SEL1L3: variants seen among roughly 807,000 people sequenced by gnomAD.
SEL1L3 encodes protein sel-1 homolog 3.
In SEL1L3, 76 loss-of-function variants were observed where a neutral mutation model predicts 142.8. The ratio of observed to expected loss-of-function variants is 0.53; its 90% CI spans 0.44 to 0.64. SEL1L3 has a LOEUF of 0.64. Ranked by LOEUF, SEL1L3 falls within the 30% of genes least tolerant of loss-of-function variation. SEL1L3 has a pLI of 0.00. For missense variants in SEL1L3, 1,262 were observed against 1,381.7 expected, an observed-to-expected ratio of 0.91 and a Z score of 1.37; for synonymous variants, 504 against 519.6, an observed-to-expected ratio of 0.97 and a Z score of 0.41.
intron 19 of SEL1L3, among the ~76,000 whole-genome samples, chr4:25,767,090 G>C (rs1718795261): frequency 6.6e-6 from 1 of 152,132 alleles, no homozygotes; most frequent in Non-Finnish European, 1.5e-5. Flanking sequence ...TCAGGAGTTT[G>C]AGACCAGCCT....
chr4:25,729,250 CAG>C, the SEL1L3 span, among the ~76,000 whole-genome samples: 362 of 152,294 alleles, frequency 2.4e-3, 2 homozygotes, highest in African/African-American at 8.3e-3. Context: ...AAGCTGTGCA[CAG>C]AGTGTCTTTG....
Position 25,788,168 on chromosome 4 carries a change from T to C in SEL1L3, c.2217+56A>G. 6.3e-7 allele frequency: 1 copy of C among 1,581,202 alleles called. No individual in the cohort carries two copies. Among genetic ancestry groups the C allele is most frequent in the Non-Finnish European group, 8.6e-7 (1 of 1,159,962 alleles). The stretch of plus-strand genomic sequence containing the variant: ...GTTTGCCAGCCCGCCCACAGGAAAC[T>C]GCTCAGGAGTCTGATAAGAATTGCA... On this transcript the variant is annotated intron_variant, in intron 13 of 23. Transcript: ENST00000399878. This position sits in a 1 kb window ranked among gnomAD's most constrained non-coding sequence, Gnocchi z 5.3.
rs1717361083 is a variant in SEL1L3 at position 25,748,175 on chromosome 4, A to G, written c.*250T>C. On this transcript the variant is annotated 3_prime_UTR_variant, in exon 24 of 24. Transcript: ENST00000399878. ...CTAGAACAAAAGTCTGTGATGGCCC[A>G]GTAAACTTCCCCACATGCCCTATGA... 2 of 483,010 alleles carry G rather than the reference A, an allele frequency of 4.1e-6. No individual in the cohort carries two copies. Among genetic ancestry groups the G allele is most frequent in the African/African-American group, 1.9e-5 (1 of 51,452 alleles). The allele number at this position is 483,010 out of a possible 1,614,324, so 29.9% of individuals were successfully genotyped here.
the SEL1L3 span, among the ~76,000 whole-genome samples, chr4:25,714,500 T>TTTCTTTCTTTTTCTTTCTTTC: frequency 1.8e-5 from 2 of 109,008 alleles, no homozygotes; most frequent in Non-Finnish European, 3.5e-5. Context: ...CTTTCTTTCT[T>TTTCTTTCTTTTTCTTTCTTTC]TTTCTTTCTT....
the SEL1L3 span, chr4:25,719,665 C>T: frequency 1.3e-5 from 2 of 152,008 alleles, no homozygotes; most frequent in African/African-American, 2.4e-5. Context: ...CTGTGGATAA[C>T]CAGTTGATTC....
the SEL1L3 span, among the ~76,000 whole-genome samples, chr4:25,714,532 CT>C: frequency 5.4e-4 from 57 of 106,314 alleles, no homozygotes; most frequent in African/African-American, 1.2e-3. Context: ...TTCTTTCTTT[CT>C]TTCTTTCTTT....
chr4:25,743,033 T>C (rs1223427085), downstream of SEL1L3, among the ~76,000 whole-genome samples: 1 of 152,158 alleles, frequency 6.6e-6, no homozygotes, highest in Non-Finnish European at 1.5e-5. Flanking sequence ...AAGGAATAAA[T>C]GGACTAGGTG....
At chr4:25,798,756 A>G (rs1249859631) in intron 11 of SEL1L3, among the ~76,000 whole-genome samples, 1 of 152,060 alleles carries the variant, frequency 6.6e-6, no homozygotes, top group Admixed American at 6.6e-5. Context: ...TGAACCCAGG[A>G]GGTGGAGGTT....
downstream of SEL1L3, among the ~76,000 whole-genome samples, chr4:25,746,084 G>A (rs945879351): frequency 1.2e-4 from 18 of 152,206 alleles, no homozygotes; most frequent in Non-Finnish European, 1.5e-4. Context: ...GCCTTGGCAG[G>A]AGGTGATTGG....
chr4:25,821,587 G>A (rs1714761427), intron 7 of SEL1L3, among the ~76,000 whole-genome samples: 1 of 152,254 alleles, frequency 6.6e-6, no homozygotes, highest in Non-Finnish European at 1.5e-5. Context: ...TGTTTCTGAA[G>A]AGAGCAGCCA....
chr4:25,779,229 G>C (rs749397110), intron 15 of SEL1L3, 26 bp from the exon 16 acceptor site: 3 of 1,609,894 alleles, frequency 1.9e-6, no homozygotes, highest in Non-Finnish European at 2.5e-6. Context: ...AACAAACATC[G>C]AGTCATCCTA....
chr4:25,816,318 A>G (rs1004149687), intron 9 of SEL1L3, among the ~76,000 whole-genome samples: 2 of 152,060 alleles, frequency 1.3e-5, no homozygotes, highest in African/African-American at 4.8e-5. Flanking sequence ...AGGCTCAGAG[A>G]AATTAAGTAA....
chr4:25,734,762 T>C, the SEL1L3 span, among the ~76,000 whole-genome samples: 4 of 151,906 alleles, frequency 2.6e-5, no homozygotes, highest in African/African-American at 9.7e-5. Context: ...AGATACAGGG[T>C]TTCGCCATGT....
intron 1 of SEL1L3, among the ~76,000 whole-genome samples, chr4:25,849,347 C>G (rs549842885): frequency 6.6e-6 from 1 of 152,214 alleles, no homozygotes; most frequent in South Asian, 2.1e-4. Flanking sequence ...TTATTCAGCC[C>G]ATAAAAGGGA....
intron 1 of SEL1L3, among the ~76,000 whole-genome samples, chr4:25,854,111 A>G (rs1717085176): frequency 6.6e-6 from 1 of 152,208 alleles, no homozygotes; most frequent in Non-Finnish European, 1.5e-5. Flanking sequence ...AAAGAAAAAT[A>G]GCCAGATGGT....
chr4:25,777,332 T>C (rs1454886335), intron 16 of SEL1L3, among the ~76,000 whole-genome samples: 1 of 152,128 alleles, frequency 6.6e-6, no homozygotes, highest in African/African-American at 2.4e-5. Flanking sequence ...AGATTCAAGA[T>C]ATATAATGCA....
At chr4:25,832,570 A>G (rs969746614) in intron 5 of SEL1L3, among the ~76,000 whole-genome samples, 1 of 152,234 alleles carries the variant, frequency 6.6e-6, no homozygotes, top group Admixed American at 6.5e-5. Context: ...TCACTTGCCA[A>G]AAGCAGTCAA....
chr4:25,784,088 G>A, intron 14 of SEL1L3, 140 bp downstream of exon 14: 1 of 715,558 alleles, frequency 1.4e-6, no homozygotes, highest in Non-Finnish European at 2.5e-6. Flanking sequence ...GGGGTGCCGT[G>A]CTGGCGACCA....
intron 17 of SEL1L3, among the ~76,000 whole-genome samples, chr4:25,771,524 T>C (rs1278196671): frequency 6.6e-6 from 1 of 152,164 alleles, no homozygotes; most frequent in African/African-American, 2.4e-5. Context: ...ATTTTGCACG[T>C]GCTCTTTTCT....
Sources: allele counts gnomAD v4.1 joint callset (sites outside exome capture counted in the v4.1 genomes callset), GRCh38; gene constraint gnomAD v4.1.1; non-coding constraint Gnocchi (gnomAD v3.1); transcripts MANE v1.5; gene names NCBI Gene and HGNC (gene_info 2026-07-23, HGNC 2026-07-21).